Variants in ZBTB2 observed in about 807,000 individuals in gnomAD.
ZBTB2 encodes the protein zinc finger and BTB domain containing 2, also known as zinc finger and BTB domain-containing protein 2.
In ZBTB2, 2 loss-of-function variants were observed where a neutral mutation model predicts 39.5. The observed-to-expected ratio is 0.05, with a 90% CI of 0.02 to 0.16. The LOEUF is 0.16. ZBTB2 is among the 10% of genes least tolerant of loss of function. The pLI, the probability that ZBTB2 is intolerant of heterozygous loss-of-function variation, is 1.00. For missense variants in ZBTB2, 391 were observed against 653.0 expected (o/e 0.60, Z 4.37); for synonymous variants, 251 against 256.6 (o/e 0.98, Z 0.21).
intron 1 of ZBTB2, among the ~76,000 whole-genome samples, chr6:151,380,482 C>T (rs1052101864): frequency 2.6e-5 from 4 of 152,204 alleles, no homozygotes; most frequent in East Asian, 1.9e-4. Flanking sequence ...CAGCTAGGGC[C>T]CTGGCATCCT....
intron 1 of ZBTB2, among the ~76,000 whole-genome samples, chr6:151,388,688 TTTATA>T (rs1392535003): frequency 2.6e-5 from 4 of 152,212 alleles, no homozygotes; most frequent in Non-Finnish European, 4.4e-5. Context: ...TTTCTATTAT[TTTATA>T]TTATCTTATA....
At chr6:151,390,236 C>T (rs1779254815) in intron 1 of ZBTB2, among the ~76,000 whole-genome samples, 1 of 151,294 alleles carries the variant, frequency 6.6e-6, no homozygotes, top group South Asian at 2.1e-4. Flanking sequence ...CCGACGCGTC[C>T]CCCGCCCGCC....
chr6:151,370,579 G>C (rs1778768428), intron 2 of ZBTB2, among the ~76,000 whole-genome samples: 1 of 152,184 alleles, frequency 6.6e-6, no homozygotes, highest in African/African-American at 2.4e-5. Flanking sequence ...ATTTTTGATA[G>C]CTGAAAGTCT....
At chr6:151,384,357 C>G (rs1390759026) in intron 1 of ZBTB2, among the ~76,000 whole-genome samples, 1 of 152,010 alleles carries the variant, frequency 6.6e-6, no homozygotes, top group Non-Finnish European at 1.5e-5. Flanking sequence ...ACTAATCAAG[C>G]TGGGGAGGAG....
At chr6:151,377,273 C>G (rs1206674956) in intron 1 of ZBTB2, among the ~76,000 whole-genome samples, 2 of 151,840 alleles carry the variant, frequency 1.3e-5, no homozygotes. Flanking sequence ...CTATAGTTTG[C>G]AAGATGTTTC....
At chr6:151,376,104 G>A (rs1300792320) in intron 1 of ZBTB2, among the ~76,000 whole-genome samples, 1 of 152,060 alleles carries the variant, frequency 6.6e-6, no homozygotes, top group Non-Finnish European at 1.5e-5. Flanking sequence ...TCAACAAATG[G>A]TGCACGATCT....
intron 1 of ZBTB2, among the ~76,000 whole-genome samples, chr6:151,391,100 C>G (rs1779295720): frequency 6.7e-6 from 1 of 148,582 alleles, no homozygotes; most frequent in South Asian, 2.2e-4. Context: ...ATGGAGGCGC[C>G]GCCGACTCGC....
chr6:151,372,413 T>C (rs1778806229), intron 2 of ZBTB2, among the ~76,000 whole-genome samples: 2 of 151,816 alleles, frequency 1.3e-5, no homozygotes, highest in Non-Finnish European at 2.9e-5. Flanking sequence ...AGGGCTTTCA[T>C]AGTAAAGTGA....
Position 151,366,667 on chromosome 6 carries a change from A to G in ZBTB2, c.399T>C (p.Tyr133=). 6.2e-7 allele frequency: 1 copy of G among 1,614,156 alleles called. No individual in the cohort carries two copies. The highest frequency in any genetic ancestry group is 1.1e-5 in the South Asian group (1 of 91,084). ...DQVFPLASSL[Y]GIQIADHQLR... ...ACTGATGATCTGCAATCTGAATGCC[A>G]TACAATGAAGAAGCCAGTGGGAAAA... Residue 133 remains tyrosine, a synonymous_variant, in exon 3 of 3, where the codon TAT becomes TAC. Transcript: ENST00000325144. This position sits in a 1 kb window ranked among gnomAD's most constrained non-coding sequence, Gnocchi z 7.1.
intron 1 of ZBTB2, among the ~76,000 whole-genome samples, chr6:151,388,454 T>G (rs796589129): frequency 3.9e-5 from 6 of 152,350 alleles, no homozygotes; most frequent in African/African-American, 1.2e-4. Flanking sequence ...GGAAAGCACA[T>G]CCACTTACTC....
chr6:151,382,400 A>G (rs147444230), intron 1 of ZBTB2, among the ~76,000 whole-genome samples: 4,603 of 150,742 alleles, frequency 0.031, 113 homozygotes, highest in Non-Finnish European at 0.04. Context: ...GGATTACAGG[A>G]ATGTGCCACC....
intron 1 of ZBTB2, among the ~76,000 whole-genome samples, chr6:151,382,707 C>T (rs1020827077): frequency 6.6e-6 from 1 of 152,010 alleles, no homozygotes; most frequent in Admixed American, 6.6e-5. Context: ...AGGCGCCTGC[C>T]ACCATGCCCA....
intron 1 of ZBTB2, among the ~76,000 whole-genome samples, chr6:151,379,773 A>G (rs1320577531): frequency 1.3e-5 from 2 of 152,138 alleles, no homozygotes; most frequent in Non-Finnish European, 2.9e-5. Flanking sequence ...ATTTTGACAA[A>G]CACAATTTTA....
intron 1 of ZBTB2, among the ~76,000 whole-genome samples, chr6:151,386,452 T>C (rs1321440462): frequency 1.3e-5 from 2 of 152,158 alleles, no homozygotes; most frequent in Admixed American, 1.3e-4. Flanking sequence ...GAGGATTGCT[T>C]GAGCCAGGGA....
rs761712276 is a variant in ZBTB2 at position 151,366,078 on chromosome 6, C to T, written c.988G>A (p.Asp330Asn). Residue 330 changes from aspartate to asparagine, a missense_variant, in exon 3 of 3, where the codon GAT becomes AAT. By Grantham distance (23) the Asp-to-Asn change is conservative. This residue lies in a region of ZBTB2 where 80 missense variants were observed against 125.2 expected (regional missense o/e 0.64). Coordinates refer to ENST00000325144, the MANE Select transcript of ZBTB2 (RefSeq NM_020861.3). This position sits in a 1 kb window ranked among gnomAD's most constrained non-coding sequence, Gnocchi z 7.1. ...LQHISDSPII[D>N]GQQQSETPPP... is the part of the protein sequence containing the mutation. ...GGGGTTTCCGACTGCTGCTGCCCAT[C>T]GATGATGGGAGAATCAGAGATGTGC... 7.4e-6 allele frequency: 12 copies of T among 1,614,138 alleles called. No homozygotes were observed. The highest frequency in any genetic ancestry group is 1.6e-4 in the Middle Eastern group (1 of 6,062).
intron 2 of ZBTB2, chr6:151,370,008 C>T (rs971440059): frequency 4.4e-6 from 3 of 676,164 alleles, no homozygotes; most frequent in African/African-American, 2.0e-5. Flanking sequence ...TATTTCCAGG[C>T]AGCTTGACCT....
Position 151,379,347 on chromosome 6 carries a change from T to C in ZBTB2, c.-12-5698A>G, listed in dbSNP as rs544728692. Among the ~76,000 whole-genome samples the C allele has an allele frequency of 7.9e-5, 12 of 152,154 alleles. No individual in the cohort carries two copies. The East Asian group carries it at 1.9e-3, about 24-fold the overall frequency. ...ATTCGATTGTCTTTTTCTTACCAAT[T>C]TAATAAAACCAGGCCAGGTGTGGTG... On this transcript the variant is annotated intron_variant, in intron 1 of 2. Transcript: ENST00000325144.
intron 1 of ZBTB2, among the ~76,000 whole-genome samples, chr6:151,374,401 T>C (rs1006213262): frequency 6.6e-6 from 1 of 152,210 alleles, no homozygotes. Flanking sequence ...GTGAATGTAC[T>C]GATTCCAAAT....
At chr6:151,377,613 A>T (rs9479025) in intron 1 of ZBTB2, among the ~76,000 whole-genome samples, 56,337 of 139,948 alleles carry the variant, frequency 0.4, 13,037 homozygotes, top group Non-Finnish European at 0.52. Context: ...TGATCTCGGC[A>T]CACTGACACC....
Sources: gnomAD v4.1 joint callset for allele counts (sites outside exome capture counted in the v4.1 genomes callset) on GRCh38, gnomAD v4.1.1 for gene constraint, gnomAD v4.1.1 regional missense constraint, Gnocchi (gnomAD v3.1) non-coding constraint, MANE v1.5 for transcripts, NCBI Gene and HGNC (gene_info 2026-07-23, HGNC 2026-07-21) for gene names.